Variants in DLG2 observed in about 807,000 individuals in gnomAD.
The protein encoded by DLG2 is discs large MAGUK scaffold protein 2.
A neutral mutation model predicts 132.5 loss-of-function variants in DLG2; 45 were observed. That is an observed-to-expected ratio of 0.34 (90% CI 0.27 to 0.44). The LOEUF is 0.44. Ranked by LOEUF, DLG2 falls within the 20% of genes least tolerant of loss-of-function variation. DLG2 has a pLI of 1.00. For missense variants in DLG2, 1,045 were observed against 1,196.9 expected (o/e 0.87, Z 1.87); for synonymous variants, 424 against 419.6 (o/e 1.01, Z -0.13).
At chr11:85,590,298 G>C (rs940540465) in intron 3 of DLG2, among the ~76,000 whole-genome samples, 1 of 152,184 alleles carries the variant, frequency 6.6e-6, no homozygotes, top group Non-Finnish European at 1.5e-5. Context: ...TGCTGAGGGA[G>C]AGCAACATGT....
chr11:85,585,257 G>C (rs2078893142), intron 3 of DLG2, among the ~76,000 whole-genome samples: 1 of 152,116 alleles, frequency 6.6e-6, no homozygotes, highest in African/African-American at 2.4e-5. Context: ...GTTGAATAGG[G>C]TGTCCTTTCC....
rs1211527772 is a variant in DLG2 at position 84,707,757 on chromosome 11, T to C, written c.358-173026A>G. On this transcript the variant is annotated intron_variant, in intron 6 of 27. Transcript: ENST00000376104. ...TGCATTAGCTGAGCCCTCTGTACTA[T>C]GTATACTCTGGCTTTCAAGATTTGA... 4.0e-5 allele frequency among the ~76,000 whole-genome samples: 6 copies of C among 151,860 alleles called. No individual in the cohort carries two copies. The South Asian group carries it at 6.2e-4, about 16-fold the overall frequency.
intron 17 of DLG2, among the ~76,000 whole-genome samples, chr11:83,794,496 G>A (rs2042330467): frequency 7.3e-6 from 1 of 136,782 alleles, no homozygotes; most frequent in African/African-American, 2.7e-5. Flanking sequence ...CTGGATGCAT[G>A]GATTCTGAGA....
chr11:83,915,473 G>T (rs11233809), intron 15 of DLG2, among the ~76,000 whole-genome samples: 24,820 of 152,112 alleles, frequency 0.16, 2,464 homozygotes, highest in Non-Finnish European at 0.23. Context: ...ATTAGGATTA[G>T]TGATTATTTT....
chr11:84,459,033 G>A (rs368726029), intron 7 of DLG2, among the ~76,000 whole-genome samples: 1 of 150,532 alleles, frequency 6.6e-6, no homozygotes, highest in African/African-American at 2.4e-5. Flanking sequence ...GTAAATGATG[G>A]AGTCAGAGTT....
chr11:83,623,975 G>A (rs2062066077), intron 19 of DLG2, among the ~76,000 whole-genome samples: 2 of 152,210 alleles, frequency 1.3e-5, no homozygotes, highest in Admixed American at 1.3e-4. Flanking sequence ...TGGGTTATGA[G>A]GCAAAGTACC....
At chr11:84,721,364 C>A (rs375308912) in intron 6 of DLG2, among the ~76,000 whole-genome samples, 2 of 152,182 alleles carry the variant, frequency 1.3e-5, no homozygotes, top group African/African-American at 4.8e-5. Flanking sequence ...TTTGACATAA[C>A]ATTTGTCAAA....
intron 10 of DLG2, among the ~76,000 whole-genome samples, chr11:84,079,705 C>T (rs1358171843): frequency 6.6e-6 from 1 of 152,078 alleles, no homozygotes; most frequent in African/African-American, 2.4e-5. Flanking sequence ...TGAAACATTC[C>T]AGGTCTCATG....
chr11:85,499,868 C>T (rs1379141506), intron 3 of DLG2, among the ~76,000 whole-genome samples: 4 of 152,136 alleles, frequency 2.6e-5, no homozygotes, highest in African/African-American at 7.2e-5. Context: ...TCCATAGATG[C>T]AGAAAAGGCC....
chr11:85,254,591 G>C (rs2076569265), intron 4 of DLG2, among the ~76,000 whole-genome samples: 1 of 152,190 alleles, frequency 6.6e-6, no homozygotes, highest in Non-Finnish European at 1.5e-5. Flanking sequence ...TGAAATGATA[G>C]TTGGATGGTT....
intron 19 of DLG2, among the ~76,000 whole-genome samples, chr11:83,615,751 G>A (rs2060708645): frequency 6.6e-6 from 1 of 152,196 alleles, no homozygotes; most frequent in South Asian, 2.1e-4. Flanking sequence ...GCCTCTAGAA[G>A]AGGATGGCCC....
intron 6 of DLG2, among the ~76,000 whole-genome samples, chr11:84,955,153 G>A (rs1457534872): frequency 6.6e-6 from 1 of 152,218 alleles, no homozygotes; most frequent in Non-Finnish European, 1.5e-5. Flanking sequence ...TATACTCCTT[G>A]AGGGAAGAAT....
intron 6 of DLG2, among the ~76,000 whole-genome samples, chr11:84,570,387 C>T (rs1453486316): frequency 6.6e-6 from 1 of 152,176 alleles, no homozygotes; most frequent in East Asian, 1.9e-4. Flanking sequence ...GCACTCAGTG[C>T]ACACTTTTGA....
At chr11:85,467,992 G>C (rs1004168431) in intron 3 of DLG2, among the ~76,000 whole-genome samples, 1 of 152,168 alleles carries the variant, frequency 6.6e-6, no homozygotes, top group Non-Finnish European at 1.5e-5. Flanking sequence ...TTCACAGCCT[G>C]TTATTGGTCT....
At chr11:85,253,764 T>C (rs573835269) in intron 4 of DLG2, among the ~76,000 whole-genome samples, 13 of 152,060 alleles carry the variant, frequency 8.5e-5, no homozygotes, top group South Asian at 4.2e-4. Flanking sequence ...ATGGTAAATG[T>C]GGGAGATTTC....
chr11:85,503,752 C>A (rs2093859898), intron 3 of DLG2, among the ~76,000 whole-genome samples: 2 of 151,954 alleles, frequency 1.3e-5, no homozygotes. Context: ...GGTAACACAG[C>A]AAGACATTAT....
At chr11:84,630,468 ACAT>A (rs2099629626) in intron 6 of DLG2, among the ~76,000 whole-genome samples, 1 of 152,264 alleles carries the variant, frequency 6.6e-6, no homozygotes, top group African/African-American at 2.4e-5. Context: ...ACATTTTTAA[ACAT>A]CATGAGAATT....
chr11:84,124,847 C>CTTTTTTTTTT (rs34177526), intron 9 of DLG2, among the ~76,000 whole-genome samples: 1 of 121,204 alleles, frequency 8.3e-6, no homozygotes, highest in Non-Finnish European at 1.6e-5. Context: ...CTTGTTTTCA[C>CTTTTTTTTTT]TTTTTTTTTT....
intron 19 of DLG2, among the ~76,000 whole-genome samples, chr11:83,612,896 A>G (rs193235242): frequency 5.7e-4 from 87 of 152,220 alleles, no homozygotes; most frequent in Non-Finnish European, 1.1e-3. Flanking sequence ...GTCCAAGTTA[A>G]AATAGTCTTC....
Sources: gnomAD v4.1 joint callset for allele counts (sites outside exome capture counted in the v4.1 genomes callset) on GRCh38, gnomAD v4.1.1 for gene constraint, MANE v1.5 for transcripts, NCBI Gene and HGNC (gene_info 2026-07-23, HGNC 2026-07-21) for gene names.